DLG5: variants seen among roughly 807,000 people sequenced by gnomAD.
The protein encoded by DLG5 is discs large MAGUK scaffold protein 5.
Under a neutral mutation model 189.8 loss-of-function variants are expected in DLG5, and 48 were observed. That is an observed-to-expected ratio of 0.25 (90% confidence interval 0.20 to 0.32). The LOEUF is 0.32. Among genes scored for constraint, DLG5 ranks in the 10% least tolerant of loss-of-function variants. The pLI, the probability that DLG5 is intolerant of heterozygous loss-of-function variation, is 1.00. For missense variants in DLG5, 2,160 were observed against 2,544.7 expected (o/e 0.85, Z 3.25); for synonymous variants, 1,016 against 1,054.1 (o/e 0.96, Z 0.70).
In DLG5 at chr10:77,796,655, CT is replaced by C. The variant is rs2154574826; in HGVS notation, c.5165-62del. 1 of 1,600,276 alleles carries C rather than the reference CT, an allele frequency of 6.2e-7. No homozygotes were observed. The highest frequency in any genetic ancestry group is 2.2e-5 in the East Asian group (1 of 44,576). The stretch of plus-strand genomic sequence containing the variant: ...CTTGGAGTGGAGGACCTGAGTGGGG[CT>C]GGGGAACCCCGCTCCCTGACCTCGC... On this transcript the variant is annotated intron_variant, in intron 27 of 31. Coordinates refer to ENST00000372391, the MANE Select transcript of DLG5 (RefSeq NM_004747.4). The surrounding 1 kb of genome is among the most constrained non-coding windows in gnomAD (Gnocchi z 5.2).
In DLG5 at chr10:77,901,621, C is replaced by T. The variant is rs150038636; in HGVS notation, c.304+24596G>A. Among the ~76,000 whole-genome samples the T allele has an allele frequency of 3.5e-3, 535 of 152,348 alleles. 2 individuals are homozygous for T. The highest frequency in any genetic ancestry group is 0.019 in the South Asian group (90 of 4,828). On this transcript the variant is annotated intron_variant, in intron 1 of 31. Coordinates refer to ENST00000372391, the MANE Select transcript of DLG5 (RefSeq NM_004747.4). ...ACCTTGGGGCCTCCTTCCCGCACTG[C>T]AGACAATGGCTGGGAAGCCCACACC...
Position 77,869,197 on chromosome 10 carries a change from C to A in DLG5, c.305G>T (p.Gly102Val). 6.2e-7 allele frequency: 1 copy of A among 1,613,654 alleles called. No homozygotes were observed. Residue 102 changes from glycine (G) to valine (V), a missense_variant and splice_region_variant, in exon 2 of 32, where the codon GGT (glycine) becomes GTT (valine). This residue lies in a region of DLG5 where 664 missense variants were observed against 838.5 expected (regional missense o/e 0.79). Transcript: ENST00000372391. Reference sequence around the variant, plus strand: ...GGTGGACAGGACGCTGTAGGTAGAACCTGGGGAAAGAGGGGAGACCATGTT... The same window carrying A: ...GGTGGACAGGACGCTGTAGGTAGAAACTGGGGAAAGAGGGGAGACCATGTT... ...VGPPQPAEGA[G>V]STYSVLSTMP... is the part of the protein sequence containing the mutation.
intron 13 of DLG5, among the ~76,000 whole-genome samples, chr10:77,825,429 A>G (rs1037942657): frequency 3.4e-5 from 4 of 118,674 alleles, no homozygotes; most frequent in African/African-American, 1.1e-4. Context: ...ACCAATGTCA[A>G]TATGCTAGCT....
intron 1 of DLG5, among the ~76,000 whole-genome samples, chr10:77,883,785 C>T (rs186884357): frequency 6.6e-6 from 1 of 151,456 alleles, no homozygotes; most frequent in Non-Finnish European, 1.5e-5. Context: ...CAACCTCCCC[C>T]TTCTGGGTTC....
chr10:77,866,475 T>C (rs758602502), intron 2 of DLG5, among the ~76,000 whole-genome samples: 4 of 152,234 alleles, frequency 2.6e-5, no homozygotes, highest in Non-Finnish European at 4.4e-5. Flanking sequence ...TGATGGACTC[T>C]GGAACAGGTT....
intron 13 of DLG5, among the ~76,000 whole-genome samples, chr10:77,825,548 A>C (rs751004202): frequency 4.0e-5 from 6 of 151,894 alleles, no homozygotes; most frequent in Non-Finnish European, 8.8e-5. Context: ...TAATCATTTC[A>C]AAGTCAAGTT....
intron 27 of DLG5, 76 bp downstream of exon 27, chr10:77,805,589 T>G (rs1041160753): frequency 6.8e-7 from 1 of 1,464,880 alleles, no homozygotes; most frequent in African/African-American, 1.4e-5. Flanking sequence ...TTTGTTTAAG[T>G]CCCTGTTGTG....
chr10:77,855,054 T>A lies in DLG5; in HGVS notation c.537-684A>T, dbSNP rs193227415. Among the ~76,000 whole-genome samples the A allele has an allele frequency of 3.5e-3, 538 of 152,276 alleles. 2 individuals are homozygous for A. The highest frequency in any genetic ancestry group is 0.012 in the African/African-American group (507 of 41,566). On this transcript the variant is annotated intron_variant, in intron 3 of 31. Transcript: ENST00000372391. ...AATATTAAAGAAAAGAAATTTCTCC[T>A]CTCTTTAGAACAATGACTCTCAATC... is the stretch of plus-strand genomic sequence containing the variant.
chr10:77,830,442 G>C, intron 10 of DLG5, 98 bp from the exon 11 acceptor site: 1 of 1,549,716 alleles, frequency 6.5e-7, no homozygotes. Flanking sequence ...GTGGGGGACT[G>C]TCCCTTCACC....
chr10:77,808,924 G>A (rs138402686), intron 24 of DLG5, among the ~76,000 whole-genome samples: 45 of 148,944 alleles, frequency 3.0e-4, no homozygotes, highest in East Asian at 1.4e-3. Flanking sequence ...ATGAAACCCC[G>A]TCTCTACAAA....
At chr10:77,810,746 G>A (rs557004541) in intron 23 of DLG5, among the ~76,000 whole-genome samples, 1 of 152,330 alleles carries the variant, frequency 6.6e-6, no homozygotes, top group African/African-American at 2.4e-5. Flanking sequence ...CACCTCATTG[G>A]GGGAAGCACT....
intron 1 of DLG5, among the ~76,000 whole-genome samples, chr10:77,897,484 G>T (rs180705218): frequency 1.3e-5 from 2 of 152,246 alleles, no homozygotes; most frequent in East Asian, 3.9e-4. Context: ...TATCCTAAGA[G>T]AATCTTTCCT....
At chr10:77,851,184 T>A (rs1347568825) in intron 5 of DLG5, among the ~76,000 whole-genome samples, 1 of 152,234 alleles carries the variant, frequency 6.6e-6, no homozygotes, top group African/African-American at 2.4e-5. Flanking sequence ...AGCACCGCCA[T>A]CCTTACCTGC....
intron 2 of DLG5, among the ~76,000 whole-genome samples, chr10:77,857,509 C>T (rs1264466049): frequency 1.3e-5 from 2 of 152,226 alleles, no homozygotes; most frequent in East Asian, 1.9e-4. Flanking sequence ...GCTGCTGGCT[C>T]CCAGCTGAGG....
At chr10:77,799,708 A>C (rs1410498207) in intron 27 of DLG5, among the ~76,000 whole-genome samples, 2 of 152,160 alleles carry the variant, frequency 1.3e-5, no homozygotes, top group African/African-American at 2.4e-5. Flanking sequence ...TCCTGGGCTT[A>C]GGTGATCCTC....
rs1168324877 is a variant in DLG5 at position 77,926,015 on chromosome 10, T to C, written c.304+202A>G. Among the ~76,000 whole-genome samples the C allele has an allele frequency of 6.6e-6, 1 of 152,068 alleles. No homozygotes were observed. Among genetic ancestry groups the C allele is most frequent in the Admixed American group, 6.5e-5 (1 of 15,282 alleles). On this transcript the variant is annotated intron_variant, in intron 1 of 31. Coordinates refer to ENST00000372391, the MANE Select transcript of DLG5 (RefSeq NM_004747.4). The surrounding 1 kb of genome is among the most constrained non-coding windows in gnomAD (Gnocchi z 5.2). ...AGTGAAGGCCTTCAGCGGGGGGCAT[T>C]GTTCACAGCGAACGGCGGGACTGGG...
At chr10:77,907,237 G>GC (rs1287262176) in intron 1 of DLG5, among the ~76,000 whole-genome samples, 2 of 152,070 alleles carry the variant, frequency 1.3e-5, no homozygotes, top group South Asian at 2.1e-4. Context: ...CTGGGCTCCT[G>GC]CCCCCCTATG....
chr10:77,924,557 CAGAG>C (rs1332661823), intron 1 of DLG5, among the ~76,000 whole-genome samples: 1 of 152,164 alleles, frequency 6.6e-6, no homozygotes, highest in Non-Finnish European at 1.5e-5. Context: ...CTTCTTCATT[CAGAG>C]ATAGATTAGA....
At chr10:77,799,105 C>A (rs1841074258) in intron 27 of DLG5, among the ~76,000 whole-genome samples, 1 of 152,204 alleles carries the variant, frequency 6.6e-6, no homozygotes, top group Non-Finnish European at 1.5e-5. Flanking sequence ...GATGTCCTCA[C>A]AATTACAGAA....
Sources: gnomAD v4.1 joint callset for allele counts (sites outside exome capture counted in the v4.1 genomes callset) on GRCh38, gnomAD v4.1.1 for gene constraint, gnomAD v4.1.1 regional missense constraint, Gnocchi (gnomAD v3.1) non-coding constraint, MANE v1.5 for transcripts, NCBI Gene and HGNC (gene_info 2026-07-23, HGNC 2026-07-21) for gene names.